The following USP42 variants were observed in gnomAD, a reference collection of about 807,000 sequenced individuals.
USP42 encodes the protein ubiquitin carboxyl-terminal hydrolase 42.
Under a neutral mutation model 113.0 loss-of-function variants are expected in USP42, and 23 were observed. That is an observed-to-expected ratio of 0.20 (90% confidence interval 0.15 to 0.29). The LOEUF is 0.29. Ranked by LOEUF, USP42 falls within the 10% of genes least tolerant of loss-of-function variation. USP42 has a pLI of 1.00. For missense variants in USP42, 2,174 were observed against 1,779.8 expected, an observed-to-expected ratio of 1.22 and a Z score of -3.99; for synonymous variants, 933 against 699.0, an observed-to-expected ratio of 1.33 and a Z score of -5.28.
At chr7:6,135,674 AAAAG>A (rs1781098626) in intron 3 of USP42, among the ~76,000 whole-genome samples, 163 bp from the exon 4 acceptor site, 1 of 147,198 alleles carries the variant, frequency 6.8e-6, no homozygotes, top group Non-Finnish European at 1.5e-5. Flanking sequence ...AAAAAAAAAA[AAAAG>A]AACAAAAAAA....
At chr7:6,148,746 G>A (rs1042534418) in intron 12 of USP42, among the ~76,000 whole-genome samples, 9 of 152,252 alleles carry the variant, frequency 5.9e-5, no homozygotes, top group African/African-American at 1.9e-4. Flanking sequence ...TCACACACAC[G>A]GTCTAGCTGC....
chr7:6,088,658 A>T, the USP42 span: 1 of 151,372 alleles, frequency 6.6e-6, no homozygotes. Flanking sequence ...ATAGCGTCTC[A>T]TCATCGATCT....
chr7:6,092,026 C>CTTTTCTTCTTCTTCTTCTTCTT, the USP42 span, among the ~76,000 whole-genome samples: 66 of 109,744 alleles, frequency 6.0e-4, 2 homozygotes, highest in Admixed American at 1.3e-3. Flanking sequence ...TCTTCTTCTT[C>CTTTTCTTCTTCTTCTTCTTCTT]TTCTTCTTCT....
chr7:6,134,129 G>T (rs1017993298), intron 3 of USP42, among the ~76,000 whole-genome samples: 1 of 152,026 alleles, frequency 6.6e-6, no homozygotes, highest in Non-Finnish European at 1.5e-5. Context: ...CTGACCTCGT[G>T]ATCTGCCCTC....
intron 4 of USP42, among the ~76,000 whole-genome samples, chr7:6,137,168 A>T (rs1261856982): frequency 6.6e-6 from 1 of 152,212 alleles, no homozygotes. Flanking sequence ...AATTATAGGG[A>T]TGTGTAATTA....
intron 15 of USP42, among the ~76,000 whole-genome samples, chr7:6,155,903 C>T (rs1473994719): frequency 2.6e-5 from 4 of 152,114 alleles, no homozygotes; most frequent in African/African-American, 9.7e-5. Context: ...GGACTGCAGG[C>T]GTGTGCTACC....
chr7:6,156,828 A>G lies in USP42; in HGVS notation c.3716A>G (p.Lys1239Arg). Residue 1239 changes from lysine (K) to arginine (R), a missense_variant, in exon 16 of 18, where the codon AAA (lysine) becomes AGA (arginine). Physicochemically the swap from Lys to Arg is conservative, Grantham distance 26. Coordinates refer to ENST00000306177, the MANE Select transcript of USP42 (RefSeq NM_032172.3). ...DLHRHKKKKK[K>R]KKRHSRKSED... ...CACAGACACAAAAAAAAGAAGAAGAAAAAGAAGAGACATTCAAGAAAATCA... is the reference window on the plus strand; with the variant it reads ...CACAGACACAAAAAAAAGAAGAAGAGAAAGAAGAGACATTCAAGAAAATCA... The G allele has an allele frequency of 6.2e-7, 1 of 1,608,988 alleles. No individual in the cohort carries two copies.
At position 6,144,102 on chromosome 7, in the gene USP42, C is replaced by T. The variant is rs1781577081; in HGVS notation, c.896C>T (p.Pro299Leu). The T allele has an allele frequency of 1.3e-6, 2 of 1,566,528 alleles. No individual in the cohort carries two copies. The highest frequency in any genetic ancestry group is 2.5e-5 in the South Asian group (2 of 81,612). Reference protein sequence around the residue: ...YKCSKCKKMVPASKRFTIHRS... With the variant: ...YKCSKCKKMVLASKRFTIHRS... Reference sequence around the variant, plus strand: ...GTTTCAAGGTGTAAAAAGATGGTTCCAGCTTCAAAGAGGTTCACTATCCAT... The same window carrying T: ...GTTTCAAGGTGTAAAAAGATGGTTCTAGCTTCAAAGAGGTTCACTATCCAT... The change falls in exon 9 of 18, where the codon CCA becomes CTA. Residue 299 changes from proline to leucine, a missense_variant. Coordinates refer to ENST00000306177, the MANE Select transcript of USP42 (RefSeq NM_032172.3).
chr7:6,083,256 T>G, the USP42 span, among the ~76,000 whole-genome samples: 2 of 142,454 alleles, frequency 1.4e-5, no homozygotes, highest in African/African-American at 5.3e-5. Flanking sequence ...ATTTATTTAT[T>G]TATTTATTTA....
intron 2 of USP42, 72 bp from the exon 3 acceptor site, chr7:6,115,251 C>T: frequency 6.8e-7 from 1 of 1,463,310 alleles, no homozygotes; most frequent in South Asian, 1.1e-5. Context: ...TGAGGTTTGA[C>T]CAGGTGTTAC....
chr7:6,148,796 A>G (rs1012240332), intron 12 of USP42, among the ~76,000 whole-genome samples: 1 of 152,234 alleles, frequency 6.6e-6, no homozygotes, highest in Non-Finnish European at 1.5e-5. Flanking sequence ...TATTTGAGGT[A>G]TAACAGAGTC....
chr7:6,081,440 A>C, the USP42 span, among the ~76,000 whole-genome samples: 20,445 of 151,932 alleles, frequency 0.13, 1,878 homozygotes, highest in Admixed American at 0.21. Flanking sequence ...GGGCCCCAGA[A>C]CTCGTCCGCC....
chr7:6,145,415 T>C (rs948790801), intron 9 of USP42, 101 bp from the exon 10 acceptor site: 50 of 1,402,376 alleles, frequency 3.6e-5, no homozygotes, highest in Non-Finnish European at 4.6e-5. Context: ...TCAGGTGTTC[T>C]GTGGGTCTCC....
intron 4 of USP42, among the ~76,000 whole-genome samples, chr7:6,138,669 A>C (rs1025685511): frequency 3.3e-5 from 5 of 152,218 alleles, no homozygotes; most frequent in African/African-American, 9.6e-5. Context: ...GGTGAGCAGC[A>C]GGTGAGCATC....
intron 2 of USP42, among the ~76,000 whole-genome samples, chr7:6,112,727 T>C (rs1216590590): frequency 6.6e-6 from 1 of 152,094 alleles, no homozygotes. Context: ...TTGAGTTTTT[T>C]TGAGATTTTT....
chr7:6,108,502 G>A (rs2128474635), intron 1 of USP42, among the ~76,000 whole-genome samples: 1 of 152,246 alleles, frequency 6.6e-6, no homozygotes, highest in Non-Finnish European at 1.5e-5. Context: ...TTCTTTTAAA[G>A]ACAGAGTCTC....
chr7:6,160,339 GGGT>G (rs1782701429), intron 17 of USP42, among the ~76,000 whole-genome samples: 1 of 152,180 alleles, frequency 6.6e-6, no homozygotes, highest in Non-Finnish European at 1.5e-5. Context: ...CATCTGGGGC[GGGT>G]GGTGGCCGGG....
Position 6,158,354 on chromosome 7 carries a change from TTTGTG to T in USP42, c.3944-1093_3944-1089del, listed in dbSNP as rs561669622. ...GTCACCCCTGCCTGGACGCCCATTGTTTGTGTTCACGTGTGAAGCGCATCCCCTCC... is the reference window on the plus strand; with the variant it reads ...GTCACCCCTGCCTGGACGCCCATTGTTTCACGTGTGAAGCGCATCCCCTCC... On this transcript the variant is annotated intron_variant, in intron 16 of 17. Coordinates refer to ENST00000306177, the MANE Select transcript of USP42 (RefSeq NM_032172.3). This position sits in a 1 kb window ranked among gnomAD's most constrained non-coding sequence, Gnocchi z 4.2. Among the ~76,000 whole-genome samples the T allele has an allele frequency of 1.9e-3, 295 of 152,268 alleles. 2 individuals are homozygous for T. The highest frequency in any genetic ancestry group is 3.3e-3 in the Non-Finnish European group (227 of 68,020).
At chr7:6,118,421 C>A (rs982923791) in intron 3 of USP42, among the ~76,000 whole-genome samples, 1 of 151,734 alleles carries the variant, frequency 6.6e-6, no homozygotes, top group African/African-American at 2.4e-5. Flanking sequence ...ACTTGGGAGA[C>A]TGAGGTGGGA....
Sources: allele counts gnomAD v4.1 joint callset (sites outside exome capture counted in the v4.1 genomes callset), GRCh38; gene constraint gnomAD v4.1.1; non-coding constraint Gnocchi (gnomAD v3.1); transcripts MANE v1.5; gene names NCBI Gene and HGNC (gene_info 2026-07-23, HGNC 2026-07-21).